PRKAG2: variants seen among roughly 807,000 people sequenced by gnomAD.
PRKAG2 encodes the protein 5'-AMP-activated protein kinase subunit gamma-2.
A neutral mutation model predicts 69.6 loss-of-function variants in PRKAG2; 26 were observed. The ratio of observed to expected loss-of-function variants is 0.37; its 90% CI spans 0.27 to 0.52. PRKAG2 has a LOEUF of 0.52. Ranked by LOEUF, PRKAG2 falls within the 20% of genes least tolerant of loss-of-function variation. PRKAG2 has a pLI of 0.90. For synonymous variants in PRKAG2, 293 were observed against 285.0 expected (o/e 1.03, Z -0.28); for missense variants, 557 against 740.0 (o/e 0.75, Z 2.87).
Position 151,841,534 on chromosome 7 carries a change from T to C in PRKAG2, c.114+34973A>G, listed in dbSNP as rs1387964217. On this transcript the variant is annotated intron_variant, in intron 1 of 15. Transcript: ENST00000287878. The stretch of plus-strand genomic sequence containing the variant: ...GTAGTGATGGTAGGGATGGTAGGGA[T>C]GGTAGTGATAGTAGGTAGGGATGGT... Among the ~76,000 whole-genome samples, 10 of 127,992 alleles carry C rather than the reference T, an allele frequency of 7.8e-5. No individual in the cohort carries two copies. The South Asian group carries it at 2.6e-3, about 33-fold the overall frequency. The allele number at this position is 127,992 out of a possible 152,430, so 84.0% of individuals were successfully genotyped here. A position where few individuals can be genotyped will look rare whatever the true frequency, so the allele number is the denominator to read the frequency against.
rs544819151 is a variant in PRKAG2 at position 151,650,922 on chromosome 7, CAT to C, written c.685-18786_685-18785del. Among the ~76,000 whole-genome samples the C allele has an allele frequency of 3.8e-3, 585 of 152,242 alleles. 2 individuals carry two copies. The highest frequency in any genetic ancestry group is 6.6e-3 in the Non-Finnish European group (448 of 68,008). ...ATTATGATGATGTTCTTGAGGAAAACATGTGCAATTGAGCTGCTTTTAAAACC... is the reference window on the plus strand; with the variant it reads ...ATTATGATGATGTTCTTGAGGAAAACGTGCAATTGAGCTGCTTTTAAAACC... On this transcript the variant is annotated intron_variant, in intron 4 of 15. Coordinates refer to ENST00000287878, the MANE Select transcript of PRKAG2 (RefSeq NM_016203.4).
chr7:151,592,251 G>A (rs1813375890), intron 6 of PRKAG2, among the ~76,000 whole-genome samples: 1 of 152,244 alleles, frequency 6.6e-6, no homozygotes, highest in Non-Finnish European at 1.5e-5. Context: ...TGCACAGTGT[G>A]GCTCTTGAGG....
chr7:151,631,667 G>A, intron 5 of PRKAG2: 2 of 457,102 alleles, frequency 4.4e-6, no homozygotes, highest in South Asian at 1.5e-5. Context: ...GCAGATAAGG[G>A]CACCAGTCTA....
chr7:151,809,947 G>C (rs1405955518), intron 1 of PRKAG2: 3 of 152,360 alleles, frequency 2.0e-5, no homozygotes, highest in African/African-American at 4.8e-5. Context: ...GCCACAGGCA[G>C]GGTATGAGCC....
At chr7:151,721,088 CAG>C in intron 3 of PRKAG2, among the ~76,000 whole-genome samples, 1 of 138,708 alleles carries the variant, frequency 7.2e-6, no homozygotes, top group East Asian at 2.2e-4. Context: ...GGAGGGGACA[CAG>C]AGGGCAGAGG....
At chr7:151,728,795 C>T (rs1222853368) in intron 3 of PRKAG2, among the ~76,000 whole-genome samples, 2 of 152,154 alleles carry the variant, frequency 1.3e-5, no homozygotes, top group African/African-American at 2.4e-5. Context: ...CCTGGGAGAG[C>T]ACGCACCTCG....
At position 151,780,819 on chromosome 7, in the gene PRKAG2, TC is replaced by T. The variant is rs2076625648; in HGVS notation, c.466+332del. Among the ~76,000 whole-genome samples the T allele has an allele frequency of 6.6e-6, 1 of 152,202 alleles. No individual in the cohort carries two copies. On this transcript the variant is annotated intron_variant, in intron 3 of 15. Coordinates refer to ENST00000287878, the MANE Select transcript of PRKAG2 (RefSeq NM_016203.4). This position sits in a 1 kb window ranked among gnomAD's most constrained non-coding sequence, Gnocchi z 4.2. ...TAAGCTTGGCTCCATGCCTGCAGTTTCCAGAGAAGGCTGGAGGCAAGTGTGT... is the reference window on the plus strand; with the variant it reads ...TAAGCTTGGCTCCATGCCTGCAGTTTCAGAGAAGGCTGGAGGCAAGTGTGT...
chr7:151,595,738 T>C (rs1479657278), intron 5 of PRKAG2, among the ~76,000 whole-genome samples: 1 of 152,186 alleles, frequency 6.6e-6, no homozygotes, highest in East Asian at 1.9e-4. Context: ...ATTTTCTACA[T>C]AGGAAATACC....
intron 1 of PRKAG2, among the ~76,000 whole-genome samples, chr7:151,802,802 G>T (rs1031442749): frequency 1.3e-5 from 2 of 150,572 alleles, no homozygotes; most frequent in African/African-American, 4.9e-5. Flanking sequence ...CTCTTCTGCA[G>T]CAGCCACCTG....
chr7:151,758,963 C>T (rs542359869), intron 3 of PRKAG2, among the ~76,000 whole-genome samples: 46 of 152,290 alleles, frequency 3.0e-4, no homozygotes, highest in African/African-American at 1.1e-3. Context: ...CCTCACTGCT[C>T]ACCCCAGCCC....
At chr7:151,665,243 T>C (rs558880440) in intron 4 of PRKAG2, among the ~76,000 whole-genome samples, 40 of 152,106 alleles carry the variant, frequency 2.6e-4, no homozygotes, top group Admixed American at 6.6e-4. Context: ...AAATGACCAC[T>C]GAACAAGTGA....
chr7:151,577,684 C>T (rs899014275), intron 6 of PRKAG2, among the ~76,000 whole-genome samples: 2 of 151,802 alleles, frequency 1.3e-5, no homozygotes, highest in African/African-American at 4.8e-5. Context: ...TTCCATGTGA[C>T]ATTACTTCTA....
chr7:151,569,169 C>G (rs1806970876), intron 10 of PRKAG2, among the ~76,000 whole-genome samples: 1 of 152,078 alleles, frequency 6.6e-6, no homozygotes, highest in East Asian at 1.9e-4. Context: ...CCCACCTCAG[C>G]CTATTTGAGT....
rs1191812983 is a variant in PRKAG2, at chr7:151,632,372, C to A, written c.685-234G>T. 2.1e-6 allele frequency: 1 copy of A among 482,600 alleles called. No homozygotes were observed. The highest frequency in any genetic ancestry group is 2.7e-6 in the Non-Finnish European group (1 of 372,820). 29.9% of individuals were successfully genotyped at this position (482,600 alleles called of 1,614,324 possible). On this transcript the variant is annotated intron_variant, in intron 4 of 15. Transcript: ENST00000287878. This position sits in a 1 kb window ranked among gnomAD's most constrained non-coding sequence, Gnocchi z 4.2. ...CGGCCGCGGCCCGCGTGCCCCTCCG[C>A]GAGTGGGACGCGCCGCTCCCCCCCG...
At chr7:151,760,306 G>A (rs551569430) in intron 3 of PRKAG2, among the ~76,000 whole-genome samples, 22 of 152,260 alleles carry the variant, frequency 1.4e-4, no homozygotes, top group Non-Finnish European at 2.6e-4. Flanking sequence ...GCAGGATCTC[G>A]GCTCACTGCA....
chr7:151,667,224 C>A (rs1831187999), intron 4 of PRKAG2, among the ~76,000 whole-genome samples: 1 of 152,238 alleles, frequency 6.6e-6, no homozygotes, highest in African/African-American at 2.4e-5. Context: ...TCTGCCCAAT[C>A]TTCCTGCCTT....
intron 3 of PRKAG2, among the ~76,000 whole-genome samples, chr7:151,679,023 C>T (rs936279207): frequency 1.3e-5 from 2 of 151,792 alleles, no homozygotes. Context: ...GAGAAGAAAA[C>T]CCTGCTTTGA....
chr7:151,756,377 G>A lies in PRKAG2; in HGVS notation c.466+24775C>T, dbSNP rs2075085422. ...GTTTCCTGTCCTTGCAATGCTGGGA[G>A]GGACCCTAGATGGATTTGTGGGTGC... On this transcript the variant is annotated intron_variant, in intron 3 of 15. Transcript: ENST00000287878. The surrounding 1 kb of genome is among the most constrained non-coding windows in gnomAD (Gnocchi z 4.9). Among the ~76,000 whole-genome samples the A allele has an allele frequency of 1.3e-5, 2 of 152,368 alleles. No individual in the cohort carries two copies. The highest frequency in any genetic ancestry group is 1.5e-5 in the Non-Finnish European group (1 of 68,048).
chr7:151,795,878 T>C (rs1050432120), intron 1 of PRKAG2, among the ~76,000 whole-genome samples: 8 of 115,152 alleles, frequency 6.9e-5, no homozygotes, highest in African/African-American at 2.9e-4. Flanking sequence ...TATATATATA[T>C]ATATATATAT....
Sources: allele counts gnomAD v4.1 joint callset (sites outside exome capture counted in the v4.1 genomes callset), GRCh38; gene constraint gnomAD v4.1.1; non-coding constraint Gnocchi (gnomAD v3.1); transcripts MANE v1.5; gene names NCBI Gene and HGNC (gene_info 2026-07-23, HGNC 2026-07-21).